ANK2: variants seen among roughly 807,000 people sequenced by gnomAD.
ANK2 encodes ankyrin 2, also known as ankyrin-2.
In ANK2, 83 loss-of-function variants were observed where a neutral mutation model predicts 360.5. That is an observed-to-expected ratio of 0.23 (90% CI 0.19 to 0.28). The LOEUF is 0.28. Ranked by LOEUF, ANK2 falls within the 10% of genes least tolerant of loss-of-function variation. The pLI, the probability that ANK2 is intolerant of heterozygous loss-of-function variation, is 1.00. For missense variants in ANK2, 4,201 were observed against 4,795.7 expected, an observed-to-expected ratio of 0.88 and a Z score of 3.66; for synonymous variants, 1,740 against 1,759.5, an observed-to-expected ratio of 0.99 and a Z score of 0.28.
At chr4:113,091,675 C>T (rs2154353761) in intron 1 of ANK2, among the ~76,000 whole-genome samples, 1 of 152,298 alleles carries the variant, frequency 6.6e-6, no homozygotes, top group East Asian at 1.9e-4. Context: ...GATATCCCCA[C>T]TTTTAGATGA....
At chr4:113,048,658 T>C (rs28704609), upstream of ANK2, among the ~76,000 whole-genome samples, 25,037 of 151,810 alleles carry the variant, frequency 0.16, 4,000 homozygotes, top group African/African-American at 0.42. Context: ...ACAAGCCCCA[T>C]TTTTTTAAAA....
chr4:113,189,049 C>T (rs1450294623), intron 2 of ANK2, among the ~76,000 whole-genome samples: 1 of 152,068 alleles, frequency 6.6e-6, no homozygotes, highest in Non-Finnish European at 1.5e-5. Context: ...AAAATTTGAC[C>T]ATTTCTCATG....
At chr4:113,137,005 G>A (rs780461744) in intron 1 of ANK2, among the ~76,000 whole-genome samples, 10 of 151,908 alleles carry the variant, frequency 6.6e-5, no homozygotes, top group East Asian at 1.9e-4. Context: ...TGATCCACCC[G>A]CCTTGGCCTC....
intron 15 of ANK2, 30 bp from the exon 16 acceptor site, chr4:113,277,807 C>T (rs2153698087): frequency 6.5e-7 from 1 of 1,540,186 alleles, no homozygotes; most frequent in Non-Finnish European, 9.0e-7. Flanking sequence ...ACAATAAATA[C>T]GATTTTACTT....
chr4:113,277,761 A>C, intron 15 of ANK2, 76 bp from the exon 16 acceptor site: 1 of 1,195,910 alleles, frequency 8.4e-7, no homozygotes, highest in Admixed American at 1.8e-5. Flanking sequence ...TTTGCTCAAT[A>C]TGTTAACAAA....
At chr4:113,097,818 T>TA (rs1336228682) in intron 1 of ANK2, among the ~76,000 whole-genome samples, 15 of 147,860 alleles carry the variant, frequency 1.0e-4, no homozygotes, top group Admixed American at 1.0e-3. Flanking sequence ...TAGCTATAGA[T>TA]AAATTTTCCT....
At chr4:112,993,854 G>A (rs560010257) in intron 2 of ANK2, among the ~76,000 whole-genome samples, 2 of 151,700 alleles carry the variant, frequency 1.3e-5, no homozygotes, top group East Asian at 2.0e-4. Flanking sequence ...TTACAGGCAC[G>A]CACCACCATG....
At chr4:113,078,384 C>G (rs957840369) in intron 1 of ANK2, among the ~76,000 whole-genome samples, 1 of 152,176 alleles carries the variant, frequency 6.6e-6, no homozygotes, top group Admixed American at 6.5e-5. Flanking sequence ...TGAGGATTCT[C>G]TATGACATTA....
At chr4:112,883,289 T>C (rs752726534) in intron 1 of ANK2, among the ~76,000 whole-genome samples, 3 of 152,076 alleles carry the variant, frequency 2.0e-5, no homozygotes, top group African/African-American at 7.2e-5. Flanking sequence ...TCCACCCACA[T>C]TGGCCTCCCA....
intron 1 of ANK2, among the ~76,000 whole-genome samples, chr4:112,861,868 A>AG (rs201880535): frequency 0.025 from 3,716 of 151,592 alleles, 63 homozygotes; most frequent in African/African-American, 0.033. Context: ...AGAGAGAGAG[A>AG]AACTCTCACA....
chr4:112,742,519 A>T, the ANK2 span, among the ~76,000 whole-genome samples: 82 of 152,148 alleles, frequency 5.4e-4, no homozygotes, highest in African/African-American at 2.0e-3. Context: ...CTTGATAAGG[A>T]GGAGTTTGAG....
At chr4:112,792,202 T>C in the ANK2 span, among the ~76,000 whole-genome samples, 1 of 151,834 alleles carries the variant, frequency 6.6e-6, no homozygotes, top group Non-Finnish European at 1.5e-5. Context: ...CCACCACACC[T>C]GGGTAATTTT....
intron 9 of ANK2, among the ~76,000 whole-genome samples, chr4:113,244,469 C>T (rs1031660632): frequency 1.3e-5 from 2 of 152,130 alleles, no homozygotes; most frequent in African/African-American, 4.8e-5. Flanking sequence ...GGTGTAAATA[C>T]TTCTACAGTG....
At chr4:112,869,392 C>T (rs2071961614) in intron 1 of ANK2, among the ~76,000 whole-genome samples, 1 of 152,184 alleles carries the variant, frequency 6.6e-6, no homozygotes, top group African/African-American at 2.4e-5. Context: ...ATCCTCCCAC[C>T]TCAGCCCCGC....
chr4:113,095,358 T>C (rs1324398282), intron 1 of ANK2, among the ~76,000 whole-genome samples: 1 of 152,206 alleles, frequency 6.6e-6, no homozygotes, highest in Non-Finnish European at 1.5e-5. Context: ...CAGCTTTTAA[T>C]TTGGTTATAT....
At chr4:113,264,819 C>G in intron 13 of ANK2, 78 bp from the exon 14 acceptor site, 1 of 1,440,094 alleles carries the variant, frequency 6.9e-7, no homozygotes, top group South Asian at 1.2e-5. Context: ...CTGAATTTCA[C>G]AAAAAGGGAC....
intron 45 of ANK2, among the ~76,000 whole-genome samples, chr4:113,379,784 G>C (rs1160274613): frequency 6.6e-6 from 1 of 152,102 alleles, no homozygotes; most frequent in Non-Finnish European, 1.5e-5. Flanking sequence ...AAGGAAACAA[G>C]GATGTCCAAA....
intron 41 of ANK2, among the ~76,000 whole-genome samples, chr4:113,365,922 C>T (rs1039869578): frequency 2.6e-5 from 4 of 152,146 alleles, no homozygotes; most frequent in African/African-American, 9.7e-5. Context: ...CTTCACTTTT[C>T]TAAAGCCATC....
At chr4:113,280,056 T>A (rs958361849) in intron 17 of ANK2, among the ~76,000 whole-genome samples, 3 of 152,158 alleles carry the variant, frequency 2.0e-5, no homozygotes, top group Non-Finnish European at 2.9e-5. Flanking sequence ...ATATACCTGC[T>A]CACTTAACAT....
Sources: gnomAD v4.1 joint callset for allele counts (sites outside exome capture counted in the v4.1 genomes callset) on GRCh38, gnomAD v4.1.1 for gene constraint, MANE v1.5 for transcripts, NCBI Gene and HGNC (gene_info 2026-07-23, HGNC 2026-07-21) for gene names.